PEA15: variants seen among roughly 807,000 people sequenced by gnomAD.
The protein encoded by PEA15 is astrocytic phosphoprotein PEA-15.
For synonymous variants in PEA15, 60 were observed against 61.8 expected, an observed-to-expected ratio of 0.97 and a Z score of 0.13; for missense variants, 77 against 161.3, an observed-to-expected ratio of 0.48 and a Z score of 2.83.
rs1654722449 is a variant in PEA15, at chr1:160,208,854, A to G, written c.-2-2689A>G. ...TCCCTTCTTACTCACCATTCCCTAC[A>G]CTCCTCCCATCTAGTGGTGTCATCC... On this transcript the variant is annotated intron_variant, in intron 1 of 3. Transcript: ENST00000360472. The surrounding 1 kb of genome is among the most constrained non-coding windows in gnomAD (Gnocchi z 4.1). The G allele has an allele frequency of 2.0e-6, 1 of 494,734 alleles. No individual in the cohort carries two copies. Among genetic ancestry groups the G allele is most frequent in the Non-Finnish European group, 3.6e-6 (1 of 274,924 alleles). The allele number at this position is 494,734 out of a possible 1,614,324, so 30.6% of individuals were successfully genotyped here.
chr1:160,212,241 T>C (rs1654901959), intron 2 of PEA15, among the ~76,000 whole-genome samples: 1 of 151,886 alleles, frequency 6.6e-6, no homozygotes, highest in Non-Finnish European at 1.5e-5. Flanking sequence ...AAGATGGCCC[T>C]GAAAGGTGAG....
chr1:160,212,877 A>G (rs1571069152), intron 2 of PEA15, among the ~76,000 whole-genome samples: 2 of 152,116 alleles, frequency 1.3e-5, no homozygotes, highest in East Asian at 1.9e-4. Context: ...TCTAACCACA[A>G]TCTAGAAACT....
rs979267092 is a variant in PEA15 at position 160,213,540 on chromosome 1, C to G, written c.*54C>G. ...GACCTTCATCAGACCACTCCCTTCCCCCATCCTCCAGGAGAGGGGGCAAGG... is the reference window on the plus strand; with the variant it reads ...GACCTTCATCAGACCACTCCCTTCCGCCATCCTCCAGGAGAGGGGGCAAGG... On this transcript the variant is annotated 3_prime_UTR_variant, in exon 4 of 4. Coordinates refer to ENST00000360472, the MANE Select transcript of PEA15 (RefSeq NM_003768.5). The surrounding 1 kb of genome is among the most constrained non-coding windows in gnomAD (Gnocchi z 5.3). 2 of 1,535,146 alleles carry G rather than the reference C, an allele frequency of 1.3e-6. No homozygotes were observed. The highest frequency in any genetic ancestry group is 2.7e-5 in the African/African-American group (2 of 73,354).
rs979214562 is a variant in PEA15, at chr1:160,213,785, T to A, written c.*299T>A. The stretch of plus-strand genomic sequence containing the variant: ...ATGCAAATAGAAATCAGCACATTCC[T>A]CCTACTTCCCTTTCCTCCACTCCCC... On this transcript the variant is annotated 3_prime_UTR_variant, in exon 4 of 4. Coordinates refer to ENST00000360472, the MANE Select transcript of PEA15 (RefSeq NM_003768.5). The surrounding 1 kb of genome is among the most constrained non-coding windows in gnomAD (Gnocchi z 5.3). 1 of 372,080 alleles carries A rather than the reference T, an allele frequency of 2.7e-6. No homozygotes were observed. The highest frequency in any genetic ancestry group is 4.2e-5 in the Admixed American group (1 of 23,874). The allele number at this position is 372,080 out of a possible 1,614,324, so 23.0% of individuals were successfully genotyped here.
At chr1:160,207,683 C>T (rs1057372893) in intron 1 of PEA15, among the ~76,000 whole-genome samples, 3 of 152,098 alleles carry the variant, frequency 2.0e-5, no homozygotes, top group African/African-American at 7.2e-5. Context: ...GTAAAGACAA[C>T]CCCCTCCTCC....
chr1:160,213,923 C>A lies in PEA15; in HGVS notation c.*437C>A. The A allele has an allele frequency of 5.4e-6, 1 of 186,206 alleles. No individual in the cohort carries two copies. Among genetic ancestry groups the A allele is most frequent in the East Asian group, 1.3e-4 (1 of 7,436 alleles). 11.5% of individuals were successfully genotyped at this position (186,206 alleles called of 1,614,324 possible). A position where few individuals can be genotyped will look rare whatever the true frequency, so the allele number is the denominator to read the frequency against. The stretch of plus-strand genomic sequence containing the variant: ...TGGATCCAGGGAAAAGCAGTGGGGA[C>A]GGAAGGCAAAGAGACCACTCAACCC... On this transcript the variant is annotated 3_prime_UTR_variant, in exon 4 of 4. Coordinates refer to ENST00000360472, the MANE Select transcript of PEA15 (RefSeq NM_003768.5). This position sits in a 1 kb window ranked among gnomAD's most constrained non-coding sequence, Gnocchi z 5.3.
At chr1:160,207,761 C>T (rs1172468877) in intron 1 of PEA15, among the ~76,000 whole-genome samples, 1 of 152,174 alleles carries the variant, frequency 6.6e-6, no homozygotes, top group Non-Finnish European at 1.5e-5. Context: ...AAATAAACTA[C>T]AGGACTGCTT....
At chr1:160,209,452 C>T (rs1275393381) in intron 1 of PEA15, among the ~76,000 whole-genome samples, 8 of 152,130 alleles carry the variant, frequency 5.3e-5, no homozygotes, top group Non-Finnish European at 1.0e-4. Context: ...AATCTCTTCC[C>T]GCCTACCTCC....
In PEA15 at chr1:160,212,617, T is replaced by A. The variant is rs1654923531; in HGVS notation, c.173-493T>A. ...GGAATTGGCCAAGCCATGGACATCG[T>A]CCTTCTGGTGGTGTCCATACCTTCT... On this transcript the variant is annotated intron_variant, in intron 2 of 3. Coordinates refer to ENST00000360472, the MANE Select transcript of PEA15 (RefSeq NM_003768.5). 2.0e-5 allele frequency among the ~76,000 whole-genome samples: 3 copies of A among 152,240 alleles called. No homozygotes were observed. In the South Asian group the frequency reaches 6.2e-4, roughly 32 times the overall value.
chr1:160,211,278 G>C, intron 1 of PEA15: 1 of 1,144,890 alleles, frequency 8.7e-7, no homozygotes, highest in Non-Finnish European at 1.1e-6. Flanking sequence ...ACTGTTAGAG[G>C]GGGAAAACAG....
At chr1:160,207,041 A>C (rs1654629808) in intron 1 of PEA15, 4 of 152,574 alleles carry the variant, frequency 2.6e-5, no homozygotes, top group African/African-American at 9.6e-5. Context: ...CTCACGCACA[A>C]TGTCATGATG....
intron 1 of PEA15, chr1:160,206,243 T>A (rs1255604019): frequency 6.6e-6 from 1 of 152,192 alleles, no homozygotes; most frequent in Non-Finnish European, 1.5e-5. Flanking sequence ...TGAGGAGTCT[T>A]CTGAACTGCG....
intron 2 of PEA15, 129 bp from the exon 3 acceptor site, chr1:160,212,981 C>A: frequency 1.2e-6 from 1 of 828,498 alleles, no homozygotes; most frequent in South Asian, 1.6e-5. Context: ...AGCCCCTCTT[C>A]CTCCAGTGTT....
In PEA15 at chr1:160,211,577, G is replaced by A. The variant is rs1186949411; in HGVS notation, c.33G>A (p.Leu11=). 1 of 1,613,800 alleles carries A rather than the reference G, an allele frequency of 6.2e-7. No individual in the cohort carries two copies. ...AGTACGGGACCCTCCTGCAAGACCT[G>A]ACCAACAACATCACCCTTGAAGATC... The part of the protein sequence containing the change: MAEYGTLLQD[L]TNNITLEDLE... Residue 11 remains leucine, a synonymous_variant, in exon 2 of 4, where the codon CTG becomes CTA. Coordinates refer to ENST00000360472, the MANE Select transcript of PEA15 (RefSeq NM_003768.5).
chr1:160,205,962 T>G lies in PEA15; in HGVS notation c.-3+440T>G, dbSNP rs1394411044. On this transcript the variant is annotated intron_variant, in intron 1 of 3. Coordinates refer to ENST00000360472, the MANE Select transcript of PEA15 (RefSeq NM_003768.5). The surrounding 1 kb of genome is among the most constrained non-coding windows in gnomAD (Gnocchi z 5.9). ...CAGCTCACTGCACCTGGGGAAGAGG[T>G]GGGCTTGGCGGAAAGCTTGTCCAGA... 6.6e-6 allele frequency: 1 copy of G among 151,992 alleles called. No individual in the cohort carries two copies. The highest frequency in any genetic ancestry group is 2.4e-5 in the African/African-American group (1 of 41,362). The allele number at this position is 151,992 out of a possible 1,614,324, so 9.4% of individuals were successfully genotyped here.
intron 1 of PEA15, among the ~76,000 whole-genome samples, chr1:160,206,974 T>C (rs563955753): frequency 2.6e-5 from 4 of 152,330 alleles, no homozygotes; most frequent in African/African-American, 9.6e-5. Context: ...GTGGATGTAT[T>C]ATCATGCATG....
rs1184069914 is a variant in PEA15, at chr1:160,213,529, C to T, written c.*43C>T. ...GAGGAAGGTTGGACCTTCATCAGACCACTCCCTTCCCCCATCCTCCAGGAG... is the reference window on the plus strand; with the variant it reads ...GAGGAAGGTTGGACCTTCATCAGACTACTCCCTTCCCCCATCCTCCAGGAG... On this transcript the variant is annotated 3_prime_UTR_variant, in exon 4 of 4. Transcript: ENST00000360472. This position sits in a 1 kb window ranked among gnomAD's most constrained non-coding sequence, Gnocchi z 5.3. The T allele has an allele frequency of 6.4e-7, 1 of 1,559,226 alleles. No individual in the cohort carries two copies. The highest frequency in any genetic ancestry group is 1.1e-5 in the South Asian group (1 of 89,900).
chr1:160,211,517 A>G (rs776691404), intron 1 of PEA15, 26 bp from the exon 2 acceptor site: 17 of 1,592,182 alleles, frequency 1.1e-5, no homozygotes, highest in Non-Finnish European at 1.5e-5. Flanking sequence ...CTCAACTCCT[A>G]TCCCTTTGTC....
intron 1 of PEA15, among the ~76,000 whole-genome samples, chr1:160,207,836 C>T (rs1182382392): frequency 1.3e-5 from 2 of 152,156 alleles, no homozygotes; most frequent in Non-Finnish European, 2.9e-5. Context: ...CCTTCCAACC[C>T]CTCTGCCTCT....
Sources: gnomAD v4.1 joint callset for allele counts (sites outside exome capture counted in the v4.1 genomes callset) on GRCh38, gnomAD v4.1.1 for gene constraint, Gnocchi (gnomAD v3.1) non-coding constraint, MANE v1.5 for transcripts, NCBI Gene and HGNC (gene_info 2026-07-23, HGNC 2026-07-21) for gene names.